Variants in PRKCE observed in about 807,000 individuals in gnomAD.
PRKCE encodes the protein protein kinase C epsilon, also known as protein kinase C epsilon type.
In PRKCE, 16 loss-of-function variants were observed where a neutral mutation model predicts 85.4. That is an observed-to-expected ratio of 0.19 (90% CI 0.13 to 0.28). The LOEUF is 0.28. Ranked by LOEUF, PRKCE falls within the 10% of genes least tolerant of loss-of-function variation. The probability of loss-of-function intolerance (pLI) is 1.00; values close to 1 mark genes in which losing one functional copy is unlikely to be tolerated. For synonymous variants in PRKCE, 388 were observed against 371.5 expected, an observed-to-expected ratio of 1.04 and a Z score of -0.51; for missense variants, 573 against 975.2, an observed-to-expected ratio of 0.59 and a Z score of 5.49.
chr2:45,939,180 A>C (rs115893536), intron 2 of PRKCE, among the ~76,000 whole-genome samples: 2 of 152,238 alleles, frequency 1.3e-5, no homozygotes, highest in Non-Finnish European at 2.9e-5. Flanking sequence ...GGAGGCTTCA[A>C]TAAGACAAGG....
intron 1 of PRKCE, among the ~76,000 whole-genome samples, chr2:45,809,775 G>C (rs1425310860): frequency 6.6e-6 from 1 of 151,262 alleles, no homozygotes; most frequent in Non-Finnish European, 1.5e-5. Flanking sequence ...AGCTACTCGA[G>C]AGCCTGAGGC....
intron 10 of PRKCE, among the ~76,000 whole-genome samples, chr2:46,024,750 A>G (rs1192444955): frequency 6.6e-6 from 1 of 152,188 alleles, no homozygotes; most frequent in Non-Finnish European, 1.5e-5. Flanking sequence ...TTCACCATTT[A>G]TCCAACCTAT....
intron 13 of PRKCE, among the ~76,000 whole-genome samples, chr2:46,152,668 C>T (rs1676764165): frequency 6.6e-6 from 1 of 151,940 alleles, no homozygotes; most frequent in Non-Finnish European, 1.5e-5. Flanking sequence ...CCTGCCTCAG[C>T]CTCCCGAGTA....
At chr2:45,953,226 C>T (rs1700742938) in intron 2 of PRKCE, among the ~76,000 whole-genome samples, 1 of 152,092 alleles carries the variant, frequency 6.6e-6, no homozygotes. Context: ...GATCTCAGAA[C>T]CAGAAGGAAC....
At chr2:45,726,472 G>A (rs1270175368) in intron 1 of PRKCE, among the ~76,000 whole-genome samples, 2 of 152,118 alleles carry the variant, frequency 1.3e-5, no homozygotes, top group African/African-American at 4.8e-5. Flanking sequence ...AGATTACAAC[G>A]TGTGCTAAAG....
In PRKCE at chr2:45,856,587, T is replaced by C. The variant is rs114332682; in HGVS notation, c.412+13524T>C. ...AGGTTCTCTCTTCTAGCTCTCTTGATATATACGACACATTGTTATTTGCTG... is the reference window on the plus strand; with the variant it reads ...AGGTTCTCTCTTCTAGCTCTCTTGACATATACGACACATTGTTATTTGCTG... On this transcript the variant is annotated intron_variant, in intron 2 of 14. Transcript: ENST00000306156. Among the ~76,000 whole-genome samples, 271 of 152,340 alleles carry C rather than the reference T, an allele frequency of 1.8e-3. 3 individuals are homozygous for C. Among genetic ancestry groups the C allele is most frequent in the African/African-American group, 6.0e-3 (251 of 41,568 alleles).
chr2:45,898,294 A>C (rs559643900), intron 2 of PRKCE, among the ~76,000 whole-genome samples: 2 of 152,328 alleles, frequency 1.3e-5, no homozygotes, highest in East Asian at 3.9e-4. Flanking sequence ...ATTTGTGGGC[A>C]TAGTTTAAAA....
intron 11 of PRKCE, among the ~76,000 whole-genome samples, chr2:46,104,697 A>G (rs1671556101): frequency 6.6e-6 from 1 of 152,180 alleles, no homozygotes; most frequent in African/African-American, 2.4e-5. Context: ...ATATTGTTCA[A>G]TATCAAAAGA....
chr2:45,656,755 G>C (rs540926294), intron 1 of PRKCE, among the ~76,000 whole-genome samples: 1 of 152,250 alleles, frequency 6.6e-6, no homozygotes, highest in South Asian at 2.1e-4. Context: ...AGCTGTCCCA[G>C]AGATTCTGAC....
At chr2:45,842,856 A>T in intron 1 of PRKCE, 144 bp from the exon 2 acceptor site, 1 of 767,146 alleles carries the variant, frequency 1.3e-6, no homozygotes. Flanking sequence ...TCTGCATCTC[A>T]CCTAGCACTC....
chr2:45,967,031 T>G (rs55780777), intron 2 of PRKCE, among the ~76,000 whole-genome samples: 1 of 152,088 alleles, frequency 6.6e-6, no homozygotes, highest in Non-Finnish European at 1.5e-5. Context: ...GAACCATGGC[T>G]GTATATGTCT....
chr2:45,700,227 A>C (rs1329416715), intron 1 of PRKCE, among the ~76,000 whole-genome samples: 2 of 151,660 alleles, frequency 1.3e-5, no homozygotes, highest in Non-Finnish European at 1.5e-5. Context: ...CAATATAGAG[A>C]GGTCTTTTTT....
intron 10 of PRKCE, among the ~76,000 whole-genome samples, chr2:46,023,443 C>T (rs919030991): frequency 6.6e-6 from 1 of 152,238 alleles, no homozygotes; most frequent in Non-Finnish European, 1.5e-5. Flanking sequence ...AAGTTTATGC[C>T]AGCTAGAAGA....
intron 1 of PRKCE, among the ~76,000 whole-genome samples, chr2:45,702,772 C>T (rs924861558): frequency 2.6e-5 from 4 of 152,126 alleles, no homozygotes; most frequent in Admixed American, 2.6e-4. Flanking sequence ...AAGCAGGACA[C>T]GAACCACCTC....
At chr2:45,666,614 G>A (rs547757513) in intron 1 of PRKCE, among the ~76,000 whole-genome samples, 143 of 152,072 alleles carry the variant, frequency 9.4e-4, no homozygotes, top group South Asian at 6.2e-3. Flanking sequence ...CTCTTTGGGC[G>A]ATCATTCCCA....
chr2:45,765,144 T>C (rs1684812580), intron 1 of PRKCE, among the ~76,000 whole-genome samples: 1 of 152,330 alleles, frequency 6.6e-6, no homozygotes, highest in Non-Finnish European at 1.5e-5. Flanking sequence ...CCTTAATACG[T>C]TCTTAAGCCA....
At chr2:45,757,195 C>T (rs776716176) in intron 1 of PRKCE, among the ~76,000 whole-genome samples, 4 of 150,984 alleles carry the variant, frequency 2.6e-5, no homozygotes, top group South Asian at 2.1e-4. Flanking sequence ...GTAATCCCAG[C>T]GACTTGGGAG....
In PRKCE at chr2:46,092,739, G is replaced by A. The variant is rs114717955; in HGVS notation, c.1592+6377G>A. On this transcript the variant is annotated intron_variant, in intron 11 of 14. Coordinates refer to ENST00000306156, the MANE Select transcript of PRKCE (RefSeq NM_005400.3). ...GCTGTGCCCTCCAAACCAGGCCTCC[G>A]TATGGAAAATGCATACGAAGTTGTG... Among the ~76,000 whole-genome samples, 1,097 of 152,196 alleles carry A rather than the reference G, an allele frequency of 7.2e-3. 14 individuals are homozygous for A. The highest frequency in any genetic ancestry group is 0.025 in the African/African-American group (1,024 of 41,526).
intron 1 of PRKCE, among the ~76,000 whole-genome samples, chr2:45,719,419 C>T (rs59877679): frequency 0.035 from 5,267 of 152,280 alleles, 297 homozygotes; most frequent in African/African-American, 0.12. Context: ...TGGAGGCCCA[C>T]GTGCTGACAT....
Sources: allele counts gnomAD v4.1 joint callset (sites outside exome capture counted in the v4.1 genomes callset), GRCh38; gene constraint gnomAD v4.1.1; transcripts MANE v1.5; gene names NCBI Gene and HGNC (gene_info 2026-07-23, HGNC 2026-07-21).